Variants in CAMK2B observed in about 807,000 individuals in gnomAD.
The protein encoded by CAMK2B is calcium/calmodulin dependent protein kinase II beta.
In CAMK2B, 27 loss-of-function variants were observed where a neutral mutation model predicts 93.7. The observed-to-expected ratio is 0.29, with a 90% confidence interval of 0.21 to 0.40. CAMK2B has a LOEUF of 0.40. Ranked by LOEUF, CAMK2B falls within the 10% of genes least tolerant of loss-of-function variation. The probability of loss-of-function intolerance (pLI) is 1.00; values close to 1 mark genes in which losing one functional copy is unlikely to be tolerated. For missense variants in CAMK2B, 568 were observed against 895.8 expected (o/e 0.63, Z 4.67); for synonymous variants, 374 against 358.8 (o/e 1.04, Z -0.48).
At chr7:44,220,527 T>C (rs1234900770) in intron 22 of CAMK2B, 89 bp downstream of exon 22, 4 of 1,156,850 alleles carry the variant, frequency 3.5e-6, no homozygotes, top group Admixed American at 2.3e-5. Flanking sequence ...AGGGCTTCCA[T>C]AGGCAGCCAC....
intron 17 of CAMK2B, 146 bp from the exon 18 acceptor site, chr7:44,229,647 C>CT (rs397767722): frequency 5.6e-6 from 2 of 354,660 alleles, no homozygotes; most frequent in East Asian, 4.2e-5. Context: ...GGGGTGGCCA[C>CT]CTGTGGGGGT....
intron 2 of CAMK2B, among the ~76,000 whole-genome samples, chr7:44,269,319 T>G (rs1265838154): frequency 6.6e-6 from 1 of 152,222 alleles, no homozygotes; most frequent in Non-Finnish European, 1.5e-5. Context: ...CCAGAGGCCA[T>G]GGTGCGACCA....
At chr7:44,219,969 C>A in intron 23 of CAMK2B, 91 bp downstream of exon 23, 2 of 1,092,914 alleles carry the variant, frequency 1.8e-6, no homozygotes, top group East Asian at 2.6e-5. Flanking sequence ...TCTGCACAGG[C>A]CCCACCGCTC....
chr7:44,291,900 C>T (rs1786949397), intron 1 of CAMK2B, among the ~76,000 whole-genome samples: 2 of 152,352 alleles, frequency 1.3e-5, no homozygotes, highest in South Asian at 4.1e-4. Flanking sequence ...TCCCAAAGCT[C>T]TTTCCTGCTT....
chr7:44,307,461 AAG>A (rs1305180471), intron 1 of CAMK2B, among the ~76,000 whole-genome samples: 3 of 151,232 alleles, frequency 2.0e-5, no homozygotes, highest in Non-Finnish European at 4.4e-5. Context: ...AGGGTGTGTG[AAG>A]AGGAGGGTTT....
intron 1 of CAMK2B, among the ~76,000 whole-genome samples, chr7:44,321,107 G>T (rs1047985515): frequency 6.6e-6 from 1 of 152,236 alleles, no homozygotes; most frequent in Non-Finnish European, 1.5e-5. Flanking sequence ...GTGCTCTGGG[G>T]AGAGAGAAAG....
At chr7:44,276,068 G>A (rs933927006) in intron 2 of CAMK2B, among the ~76,000 whole-genome samples, 1 of 151,954 alleles carries the variant, frequency 6.6e-6, no homozygotes, top group Non-Finnish European at 1.5e-5. Context: ...TTAGGGTAGG[G>A]AAGCAGAGGA....
At chr7:44,255,159 G>C (rs762904409) in intron 4 of CAMK2B, among the ~76,000 whole-genome samples, 1 of 152,134 alleles carries the variant, frequency 6.6e-6, no homozygotes. Context: ...CCTTGGTGGC[G>C]CAGGGTCTTG....
rs1469689801 is a variant in CAMK2B at position 44,224,189 on chromosome 7, C to T, written c.1597+2327G>A. Among the ~76,000 whole-genome samples the T allele has an allele frequency of 6.6e-6, 1 of 152,188 alleles. No individual in the cohort carries two copies. The highest frequency in any genetic ancestry group is 1.5e-5 in the Non-Finnish European group (1 of 68,042). On this transcript the variant is annotated intron_variant, in intron 20 of 23. Coordinates refer to ENST00000395749, the MANE Select transcript of CAMK2B (RefSeq NM_001220.5). This position sits in a 1 kb window ranked among gnomAD's most constrained non-coding sequence, Gnocchi z 4.4. ...CGGGAAGCAGGTCCGTTGTGAGACC[C>T]ACCCACCCATTCCACAGATGGGAAG...
chr7:44,250,712 T>C (rs1205494903), intron 5 of CAMK2B, among the ~76,000 whole-genome samples: 2 of 152,170 alleles, frequency 1.3e-5, no homozygotes, highest in South Asian at 2.1e-4. Flanking sequence ...ATATTTTTAA[T>C]AGAGACGGGG....
chr7:44,262,954 G>T (rs777994976), intron 3 of CAMK2B, 51 bp downstream of exon 3: 33 of 1,505,010 alleles, frequency 2.2e-5, no homozygotes, highest in Non-Finnish European at 2.9e-5. Context: ...ATGGGCTGCT[G>T]TCCGGGAGAA....
In CAMK2B at chr7:44,311,137, G is replaced by C. The variant is rs1176704047; in HGVS notation, c.65+14220C>G. Reference sequence around the variant, plus strand: ...TGCCCAGGCTGGAGTGCAATGGCGTGATCTCGGCTCACTGCAACCTCTGCA... The same window carrying C: ...TGCCCAGGCTGGAGTGCAATGGCGTCATCTCGGCTCACTGCAACCTCTGCA... On this transcript the variant is annotated intron_variant, in intron 1 of 23. Coordinates refer to ENST00000395749, the MANE Select transcript of CAMK2B (RefSeq NM_001220.5). This position sits in a 1 kb window ranked among gnomAD's most constrained non-coding sequence, Gnocchi z 4.2. Among the ~76,000 whole-genome samples the C allele has an allele frequency of 6.6e-6, 1 of 152,160 alleles. No individual in the cohort carries two copies. The highest frequency in any genetic ancestry group is 1.5e-5 in the Non-Finnish European group (1 of 68,024).
chr7:44,279,384 C>T (rs1042679132), intron 2 of CAMK2B, among the ~76,000 whole-genome samples: 16 of 152,190 alleles, frequency 1.1e-4, no homozygotes, highest in Non-Finnish European at 2.2e-4. Flanking sequence ...CAGCCCTGGG[C>T]GGAGGGCCTG....
chr7:44,323,737 G>A (rs937758382), intron 1 of CAMK2B: 1 of 154,956 alleles, frequency 6.5e-6, no homozygotes, highest in Non-Finnish European at 1.5e-5. Flanking sequence ...ACAACAAGAA[G>A]GCTCCTGAGG....
At chr7:44,226,017 A>T in intron 20 of CAMK2B, 1 of 898,364 alleles carries the variant, frequency 1.1e-6, no homozygotes, top group Non-Finnish European at 1.5e-6. Context: ...GCCTGGCCCC[A>T]GCTGCCCCCC....
At chr7:44,230,567 T>A (rs1445981929) in intron 17 of CAMK2B, among the ~76,000 whole-genome samples, 1 of 152,136 alleles carries the variant, frequency 6.6e-6, no homozygotes, top group Non-Finnish European at 1.5e-5. Context: ...AGCAGGACAC[T>A]CCTGGCTAAG....
Position 44,227,772 on chromosome 7 carries a change from A to AGGGGGTGTGGGGGACACAGGAGG in CAMK2B, c.1468+1023_1468+1024insCCTCCTGTGTCCCCCACACCCCC, listed in dbSNP as rs1562805971. Among the ~76,000 whole-genome samples, 3 of 8,600 alleles carry AGGGGGTGTGGGGGACACAGGAGG rather than the reference A, an allele frequency of 3.5e-4. 1 individual carries two copies. Among genetic ancestry groups the AGGGGGTGTGGGGGACACAGGAGG allele is most frequent in the African/African-American group, 3.4e-3 (2 of 584 alleles). 5.6% of individuals were successfully genotyped at this position (8,600 alleles called of 152,430 possible). On this transcript the variant is annotated intron_variant, in intron 19 of 23. Transcript: ENST00000395749. ...AGGAGGGTGTGGGGGACAGAGGGAG[A>AGGGGGTGTGGGGGACACAGGAGG]GTCTGGGGGACAGAGGAGGGTGTGG...
intron 1 of CAMK2B, among the ~76,000 whole-genome samples, chr7:44,289,845 G>A (rs1329771161): frequency 4.6e-5 from 7 of 152,196 alleles, no homozygotes; most frequent in South Asian, 4.1e-4. Context: ...CCTCTGAGTC[G>A]GCCCACTCAA....
In CAMK2B at chr7:44,224,236, G is replaced by A. The variant is rs923273991; in HGVS notation, c.1597+2280C>T. Among the ~76,000 whole-genome samples, 15 of 152,056 alleles carry A rather than the reference G, an allele frequency of 9.9e-5. No homozygotes were observed. Among genetic ancestry groups the A allele is most frequent in the African/African-American group, 2.9e-4 (12 of 41,392 alleles). The stretch of plus-strand genomic sequence containing the variant: ...GAAGCCTAGGCTGCCCCTGCCCTGC[G>A]GAATGGCGCTGCCCAGACCCCAGCT... On this transcript the variant is annotated intron_variant, in intron 20 of 23. Coordinates refer to ENST00000395749, the MANE Select transcript of CAMK2B (RefSeq NM_001220.5). This position sits in a 1 kb window ranked among gnomAD's most constrained non-coding sequence, Gnocchi z 4.4.
Sources: allele counts gnomAD v4.1 joint callset (sites outside exome capture counted in the v4.1 genomes callset), GRCh38; gene constraint gnomAD v4.1.1; non-coding constraint Gnocchi (gnomAD v3.1); transcripts MANE v1.5; gene names NCBI Gene and HGNC (gene_info 2026-07-23, HGNC 2026-07-21).